Variants in EYS observed in about 807,000 individuals in gnomAD.
EYS encodes EGF-like photoreceptor maintenance factor, also known as protein eyes shut homolog.
EYS carries 250 observed loss-of-function variants against 282.1 expected under a neutral mutation model. That is an observed-to-expected ratio of 0.89 (90% CI 0.80 to 0.98). The LOEUF is 0.98. Among genes scored for constraint, EYS ranks in the 50% least tolerant of loss-of-function variants. EYS has a pLI of 0.00. For missense variants in EYS, 4,016 were observed against 3,709.0 expected (o/e 1.08, Z -2.15); for synonymous variants, 1,355 against 1,282.9 (o/e 1.06, Z -1.20).
In EYS at chr6:64,766,643, A is replaced by AAAC. The variant is rs1554201251; in HGVS notation, c.3443+46734_3443+46735insGTT. 7.0e-3 allele frequency among the ~76,000 whole-genome samples: 70 copies of AAAC among 10,016 alleles called. 4 individuals carry two copies. The highest frequency in any genetic ancestry group is 9.7e-3 in the Admixed American group (6 of 618). The allele number at this position is 10,016 out of a possible 152,430, so 6.6% of individuals were successfully genotyped here. ...TGAAACTCCGTCTCAAAAAAAAAAAAAAAAAAATATATATATATATATATA... is the reference window on the plus strand; with the variant it reads ...TGAAACTCCGTCTCAAAAAAAAAAAAAACAAAAAAATATATATATATATATATA... On this transcript the variant is annotated intron_variant, in intron 22 of 42. Transcript: ENST00000503581.
intron 22 of EYS, among the ~76,000 whole-genome samples, chr6:64,728,298 GC>G (rs1771830857): frequency 6.6e-6 from 1 of 151,932 alleles, no homozygotes; most frequent in African/African-American, 2.4e-5. Context: ...AATACTAATA[GC>G]TTTAAATACC....
chr6:64,430,807 A>G (rs966006877), intron 28 of EYS, among the ~76,000 whole-genome samples: 1 of 152,192 alleles, frequency 6.6e-6, no homozygotes, highest in Admixed American at 6.6e-5. Context: ...GTCCTGCCCC[A>G]TTAAACCTTT....
At chr6:64,823,386 C>G (rs772513839) in intron 19 of EYS, among the ~76,000 whole-genome samples, 1 of 151,740 alleles carries the variant, frequency 6.6e-6, no homozygotes, top group Non-Finnish European at 1.5e-5. Context: ...AATAAACTTC[C>G]TGTTCACACA....
At position 65,642,065 on chromosome 6, in the gene EYS, C is replaced by G. The variant is rs560425239; in HGVS notation, c.-447-2173G>C. On this transcript the variant is annotated intron_variant, in intron 1 of 42. Coordinates refer to ENST00000503581, the MANE Select transcript of EYS (RefSeq NM_001142800.2). ...TAAAAAATAGATTTGCTTATTTTATCCATAACTGAATATATAGGGCCTCGA... is the reference window on the plus strand; with the variant it reads ...TAAAAAATAGATTTGCTTATTTTATGCATAACTGAATATATAGGGCCTCGA... 2.6e-5 allele frequency among the ~76,000 whole-genome samples: 4 copies of G among 152,198 alleles called. 1 individual carries two copies. The highest frequency in any genetic ancestry group is 9.6e-5 in the African/African-American group (4 of 41,510).
intron 2 of EYS, among the ~76,000 whole-genome samples, chr6:65,523,919 T>C (rs1338919170): frequency 1.3e-5 from 2 of 152,182 alleles, no homozygotes; most frequent in Non-Finnish European, 2.9e-5. Flanking sequence ...TCGCCTAGTC[T>C]AGAGTGAAAT....
chr6:64,661,084 A>AT (rs1163387500), intron 22 of EYS, among the ~76,000 whole-genome samples: 9 of 152,208 alleles, frequency 5.9e-5, no homozygotes, highest in Admixed American at 3.9e-4. Context: ...ATAATGCCAC[A>AT]TATCTACAAC....
At chr6:65,060,219 T>A (rs549632069) in intron 12 of EYS, among the ~76,000 whole-genome samples, 1 of 143,994 alleles carries the variant, frequency 6.9e-6, no homozygotes, top group African/African-American at 2.6e-5. Context: ...ACAAGACACC[T>A]ACAAGGAAGA....
chr6:65,027,715 A>T (rs900374057), intron 13 of EYS, among the ~76,000 whole-genome samples: 13 of 152,152 alleles, frequency 8.5e-5, no homozygotes, highest in African/African-American at 3.1e-4. Context: ...AAGACTTATC[A>T]GTATTGTATT....
intron 12 of EYS, among the ~76,000 whole-genome samples, chr6:65,245,671 T>C (rs1767161379): frequency 6.6e-6 from 1 of 151,942 alleles, no homozygotes; most frequent in Non-Finnish European, 1.5e-5. Context: ...CAGTTTAATC[T>C]AATTGCACCT....
intron 26 of EYS, among the ~76,000 whole-genome samples, chr6:64,576,262 G>A (rs1304823555): frequency 6.6e-6 from 1 of 152,060 alleles, no homozygotes; most frequent in Non-Finnish European, 1.5e-5. Context: ...GTGACTTGGC[G>A]ATCAGTGCGT....
intron 12 of EYS, among the ~76,000 whole-genome samples, chr6:65,178,544 C>A (rs1357799995): frequency 6.6e-6 from 1 of 151,970 alleles, no homozygotes; most frequent in African/African-American, 2.4e-5. Context: ...AATACAGGAG[C>A]ACCCAGATTC....
chr6:65,543,890 G>A (rs529353033), intron 2 of EYS, among the ~76,000 whole-genome samples: 1 of 152,198 alleles, frequency 6.6e-6, no homozygotes, highest in Non-Finnish European at 1.5e-5. Flanking sequence ...CATTGCTGGA[G>A]TGAAGGGTAT....
chr6:63,918,851 C>A (rs953119261), intron 35 of EYS, among the ~76,000 whole-genome samples: 3 of 152,176 alleles, frequency 2.0e-5, no homozygotes, highest in African/African-American at 7.2e-5. Context: ...GTTACAAGCA[C>A]CTTTGTAAGA....
chr6:64,946,063 A>G (rs1227829817), intron 14 of EYS, 149 bp from the exon 15 acceptor site: 2 of 575,398 alleles, frequency 3.5e-6, no homozygotes, highest in South Asian at 3.4e-5. Flanking sequence ...AATGACTTTT[A>G]CCACATTTTT....
chr6:64,608,940 G>A (rs960558697), intron 24 of EYS, among the ~76,000 whole-genome samples: 1 of 152,152 alleles, frequency 6.6e-6, no homozygotes, highest in African/African-American at 2.4e-5. Flanking sequence ...AGGATTTTTA[G>A]GGCATTGTTA....
intron 12 of EYS, 178 bp downstream of exon 12, chr6:65,295,685 A>G (rs1364453012): frequency 3.2e-6 from 2 of 618,836 alleles, no homozygotes; most frequent in East Asian, 2.8e-5. Context: ...TAAATTGCCC[A>G]AAGAAGCAAT....
At chr6:65,643,923 C>G (rs1052529821) in intron 1 of EYS, among the ~76,000 whole-genome samples, 2 of 152,102 alleles carry the variant, frequency 1.3e-5, no homozygotes, top group Non-Finnish European at 2.9e-5. Context: ...ATCTGAACAG[C>G]AGCTCTTGAG....
chr6:64,634,264 G>A (rs1398901190), intron 22 of EYS, among the ~76,000 whole-genome samples: 5 of 152,168 alleles, frequency 3.3e-5, no homozygotes, highest in Non-Finnish European at 7.4e-5. Context: ...TTACAGGCGT[G>A]AGCCACCACA....
At chr6:64,499,853 A>T (rs923100041) in intron 26 of EYS, among the ~76,000 whole-genome samples, 2 of 152,112 alleles carry the variant, frequency 1.3e-5, no homozygotes, top group East Asian at 1.9e-4. Flanking sequence ...TTATAGTTTG[A>T]TCATTTCTGC....
Sources: gnomAD v4.1 joint callset for allele counts (sites outside exome capture counted in the v4.1 genomes callset) on GRCh38, gnomAD v4.1.1 for gene constraint, MANE v1.5 for transcripts, NCBI Gene and HGNC (gene_info 2026-07-23, HGNC 2026-07-21) for gene names.